Variants in BTAF1 observed in about 807,000 individuals in gnomAD.
BTAF1 encodes B-TFIID TATA-box binding protein associated factor 1.
A neutral mutation model predicts 227.1 loss-of-function variants in BTAF1; 38 were observed. That is an observed-to-expected ratio of 0.17 (90% CI 0.13 to 0.22). BTAF1 has a LOEUF of 0.22. BTAF1 is among the 10% of genes least tolerant of loss of function. BTAF1 has a pLI of 1.00. For missense variants in BTAF1, 1,598 were observed against 2,204.0 expected (o/e 0.73, Z 5.51); for synonymous variants, 742 against 751.9 (o/e 0.99, Z 0.21).
At chr10:91,971,259 C>T (rs1847280671) in intron 14 of BTAF1, among the ~76,000 whole-genome samples, 1 of 152,142 alleles carries the variant, frequency 6.6e-6, no homozygotes, top group Admixed American at 6.5e-5. Context: ...GAAAGAGATG[C>T]TGTCTGTGAA....
chr10:91,978,913 A>C (rs1203346142), intron 14 of BTAF1, among the ~76,000 whole-genome samples: 2 of 147,444 alleles, frequency 1.4e-5, no homozygotes, highest in Admixed American at 1.4e-4. Flanking sequence ...GTTTGTTGTA[A>C]GATTATTTTG....
At chr10:91,943,525 C>T (rs560658088) in intron 4 of BTAF1, among the ~76,000 whole-genome samples, 2 of 152,140 alleles carry the variant, frequency 1.3e-5, no homozygotes, top group African/African-American at 4.8e-5. Context: ...GCTAATTAAT[C>T]GTCATTTAGA....
chr10:91,958,331 C>T lies in BTAF1; in HGVS notation c.901-734C>T, dbSNP rs1173650198. 2.6e-5 allele frequency among the ~76,000 whole-genome samples: 4 copies of T among 152,096 alleles called. No homozygotes were observed. In the South Asian group the frequency reaches 8.3e-4, roughly 32 times the overall value. ...TGGGCCTTCCAAAGTGCTGGGATTA[C>T]AAGTGTGAGCCACCTCGCCCAGCCT... On this transcript the variant is annotated intron_variant, in intron 8 of 37. Coordinates refer to ENST00000265990, the MANE Select transcript of BTAF1 (RefSeq NM_003972.3).
chr10:92,014,114 G>A lies in BTAF1; in HGVS notation c.4584+85G>A, dbSNP rs536592764. On this transcript the variant is annotated intron_variant, in intron 32 of 37. Coordinates refer to ENST00000265990, the MANE Select transcript of BTAF1 (RefSeq NM_003972.3). The stretch of plus-strand genomic sequence containing the variant: ...GAGCCACAAAACTATTGAATAAAGG[G>A]GCTTAGCCTTTGGCTTTATCAGATG... The A allele has an allele frequency of 1.9e-5, 27 of 1,401,048 alleles. No individual in the cohort carries two copies. In the African/African-American group the frequency reaches 2.3e-4, roughly 12 times the overall value. The allele number at this position is 1,401,048 out of a possible 1,614,324, so 86.8% of individuals were successfully genotyped here.
rs768178831 is a variant in BTAF1, at chr10:91,982,158, G to A, written c.1981G>A (p.Asp661Asn). ...ACTTCAGGAGTATATTGCAGGTGCCGACACCATCATGGAAGACCCAGCCAC... is the reference window on the plus strand; with the variant it reads ...ACTTCAGGAGTATATTGCAGGTGCCAACACCATCATGGAAGACCCAGCCAC... ...EVLQEYIAGA[D>N]TIMEDPATRD... Residue 661 changes from aspartate to asparagine, a missense_variant, in exon 17 of 38, where the codon GAC becomes AAC. Physicochemically the swap from Asp to Asn is conservative, Grantham distance 23. Transcript: ENST00000265990. 13 of 1,613,902 alleles carry A rather than the reference G, an allele frequency of 8.1e-6. No individual in the cohort carries two copies. Among genetic ancestry groups the A allele is most frequent in the African/African-American group, 4.0e-5 (3 of 74,984 alleles).
chr10:91,959,738 GTGTATATATA>G (rs768880199), intron 9 of BTAF1, 37 bp from the exon 10 acceptor site: 4,535 of 367,970 alleles, frequency 0.012, 3 homozygotes, highest in East Asian at 0.051. Context: ...GTGTGTGTGT[GTGTATATATA>G]TATATATATA....
At chr10:91,991,832 T>TATATATATAC (rs1466556430) in intron 20 of BTAF1, among the ~76,000 whole-genome samples, 14 of 11,270 alleles carry the variant, frequency 1.2e-3, no homozygotes, top group African/African-American at 1.8e-3. Flanking sequence ...TATATATATA[T>TATATATATAC]ACACACATAT....
intron 19 of BTAF1, among the ~76,000 whole-genome samples, chr10:91,984,819 A>G (rs1392721212): frequency 1.3e-5 from 2 of 152,192 alleles, no homozygotes; most frequent in African/African-American, 2.4e-5. Context: ...TAGATTTTAT[A>G]GTTAACATTT....
At chr10:92,024,600 G>A (rs1199354351) in intron 34 of BTAF1, among the ~76,000 whole-genome samples, 156 bp from the exon 35 acceptor site, 2 of 152,136 alleles carry the variant, frequency 1.3e-5, no homozygotes, top group African/African-American at 4.8e-5. Context: ...AGTTCAGTGT[G>A]CTGCAGGGTG....
chr10:91,964,238 C>A (rs1274483549), intron 13 of BTAF1, 37 bp downstream of exon 13: 1 of 1,584,656 alleles, frequency 6.3e-7, no homozygotes. Flanking sequence ...AGTAAAAAGT[C>A]TTTACATACC....
chr10:92,004,307 T>C (rs574026053), intron 25 of BTAF1, among the ~76,000 whole-genome samples: 1 of 152,332 alleles, frequency 6.6e-6, no homozygotes, highest in East Asian at 1.9e-4. Flanking sequence ...ATTTAAGATT[T>C]CAGATTTTTG....
At chr10:91,991,797 GTATATATATA>G (rs1166615338) in intron 20 of BTAF1, among the ~76,000 whole-genome samples, 12 of 9,940 alleles carry the variant, frequency 1.2e-3, no homozygotes, top group Non-Finnish European at 3.4e-3. Context: ...GTGTGTGTGT[GTATATATATA>G]TATATATATA....
At chr10:91,945,524 A>C (rs954855984) in intron 4 of BTAF1, among the ~76,000 whole-genome samples, 3 of 152,164 alleles carry the variant, frequency 2.0e-5, no homozygotes, top group Non-Finnish European at 2.9e-5. Context: ...TGCCTCATGT[A>C]AGTGAATCCT....
At chr10:91,955,199 T>C (rs1395553403) in intron 6 of BTAF1, among the ~76,000 whole-genome samples, 1 of 152,220 alleles carries the variant, frequency 6.6e-6, no homozygotes, top group African/African-American at 2.4e-5. Flanking sequence ...GTTTTTCTAC[T>C]GGTTTTTATT....
In BTAF1 at chr10:91,970,587, C is replaced by A. The variant is rs115179227; in HGVS notation, c.1650+3830C>A. Among the ~76,000 whole-genome samples, 880 of 152,310 alleles carry A rather than the reference C, an allele frequency of 5.8e-3. 7 individuals are homozygous for A. Among genetic ancestry groups the A allele is most frequent in the African/African-American group, 0.019 (792 of 41,566 alleles). ...ATGAGAACAGCACAGGAAAGACCCACTCCGTGATTCACTTATCTCCCACTG... is the reference window on the plus strand; with the variant it reads ...ATGAGAACAGCACAGGAAAGACCCAATCCGTGATTCACTTATCTCCCACTG... On this transcript the variant is annotated intron_variant, in intron 14 of 37. Transcript: ENST00000265990.
At chr10:91,990,922 C>T (rs903175469) in intron 20 of BTAF1, among the ~76,000 whole-genome samples, 7 of 151,812 alleles carry the variant, frequency 4.6e-5, no homozygotes, top group African/African-American at 1.7e-4. Context: ...GGCTGGTCAA[C>T]ATGGTGAAAC....
intron 14 of BTAF1, among the ~76,000 whole-genome samples, chr10:91,976,963 A>G (rs1283111387): frequency 6.6e-6 from 1 of 152,136 alleles, no homozygotes; most frequent in East Asian, 1.9e-4. Flanking sequence ...CCTAAATGAG[A>G]TGGGTGATGG....
intron 25 of BTAF1, among the ~76,000 whole-genome samples, chr10:92,004,499 ACT>A (rs1430091124): frequency 6.6e-6 from 1 of 152,006 alleles, no homozygotes; most frequent in African/African-American, 2.4e-5. Context: ...AAAAGGTCTC[ACT>A]CTGTTGCCCA....
chr10:92,023,489 A>G (rs914233690), intron 34 of BTAF1, among the ~76,000 whole-genome samples: 1 of 152,044 alleles, frequency 6.6e-6, no homozygotes, highest in Non-Finnish European at 1.5e-5. Flanking sequence ...TTCGAAACCA[A>G]CCTGGCCAAC....
Sources: gnomAD v4.1 joint callset for allele counts (sites outside exome capture counted in the v4.1 genomes callset) on GRCh38, gnomAD v4.1.1 for gene constraint, MANE v1.5 for transcripts, NCBI Gene and HGNC (gene_info 2026-07-23, HGNC 2026-07-21) for gene names.